FOCAD: variants seen among roughly 807,000 people sequenced by gnomAD.
FOCAD encodes focadhesin.
In FOCAD, 198 loss-of-function variants were observed where a neutral mutation model predicts 225.6. The ratio of observed to expected loss-of-function variants is 0.88; its 90% confidence interval spans 0.78 to 0.99. FOCAD has a LOEUF of 0.99. FOCAD is among the 50% of genes least tolerant of loss of function. FOCAD has a pLI of 0.00. For synonymous variants in FOCAD, 897 were observed against 755.0 expected (o/e 1.19, Z -3.08); for missense variants, 2,713 against 2,123.6 (o/e 1.28, Z -5.46).
At chr9:20,758,344 G>T (rs1829252308) in intron 6 of FOCAD, among the ~76,000 whole-genome samples, 153 bp downstream of exon 6, 1 of 151,828 alleles carries the variant, frequency 6.6e-6, no homozygotes, top group South Asian at 2.1e-4. Context: ...GCAGGTTGTA[G>T]TTTTCTTTTC....
At chr9:20,699,362 C>T (rs933518416) in intron 1 of FOCAD, among the ~76,000 whole-genome samples, 13 of 151,954 alleles carry the variant, frequency 8.6e-5, no homozygotes, top group African/African-American at 3.1e-4. Flanking sequence ...TGGTCATTTA[C>T]TTAAAACAGA....
intron 16 of FOCAD, among the ~76,000 whole-genome samples, chr9:20,864,050 C>T (rs1301261948): frequency 6.6e-6 from 1 of 151,996 alleles, no homozygotes; most frequent in Non-Finnish European, 1.5e-5. Context: ...CTATCTCTTC[C>T]TGCCCAGTTA....
At chr9:20,716,287 CATAG>C (rs1444855768) in intron 2 of FOCAD, 1 of 274,502 alleles carries the variant, frequency 3.6e-6, no homozygotes, top group Non-Finnish European at 8.7e-6. Flanking sequence ...TCTTTGTTAA[CATAG>C]ATAATCAAGA....
intron 11 of FOCAD, among the ~76,000 whole-genome samples, chr9:20,797,410 T>C (rs1821241073): frequency 6.6e-6 from 1 of 152,212 alleles, no homozygotes; most frequent in Admixed American, 6.5e-5. Context: ...CCTTGGGCAG[T>C]ATGGCCATTT....
intron 35 of FOCAD, among the ~76,000 whole-genome samples, chr9:20,959,424 A>G (rs1417790981): frequency 6.6e-6 from 1 of 152,152 alleles, no homozygotes; most frequent in Admixed American, 6.5e-5. Flanking sequence ...TTCCTTGCAT[A>G]TTCTGGATAT....
intron 11 of FOCAD, among the ~76,000 whole-genome samples, chr9:20,801,774 C>G (rs990556105): frequency 6.6e-6 from 1 of 152,062 alleles, no homozygotes; most frequent in South Asian, 2.1e-4. Context: ...CAAAGAAAGG[C>G]AGTCACACAC....
rs750395723 is a variant in FOCAD at position 20,817,910 on chromosome 9, A to C, written c.1456-1886A>C. 2.8e-4 allele frequency among the ~76,000 whole-genome samples: 42 copies of C among 152,182 alleles called. 1 individual carries two copies. Among genetic ancestry groups the C allele is most frequent in the South Asian group, 6.2e-4 (3 of 4,828 alleles). On this transcript the variant is annotated intron_variant, in intron 11 of 43. Transcript: ENST00000338382. ...TTCTTAAGTAGATAACTAGGAATAGAATTGCTACATCACATGGTAATTCTA... is the reference window on the plus strand; with the variant it reads ...TTCTTAAGTAGATAACTAGGAATAGCATTGCTACATCACATGGTAATTCTA...
intron 27 of FOCAD, among the ~76,000 whole-genome samples, chr9:20,931,836 T>A (rs1835499712): frequency 2.0e-5 from 3 of 150,978 alleles, no homozygotes; most frequent in Admixed American, 2.0e-4. Flanking sequence ...AGGCTGAGGT[T>A]GCAGTGAGCT....
intron 19 of FOCAD, among the ~76,000 whole-genome samples, chr9:20,878,550 C>T (rs1054614001): frequency 2.2e-4 from 33 of 152,174 alleles, no homozygotes; most frequent in Admixed American, 1.4e-3. Flanking sequence ...AGAACAATTT[C>T]GCATATCTCT....
chr9:20,719,307 T>G (rs1211332098), intron 3 of FOCAD, among the ~76,000 whole-genome samples: 1 of 152,222 alleles, frequency 6.6e-6, no homozygotes, highest in Non-Finnish European at 1.5e-5. Flanking sequence ...GGTCTCGAAC[T>G]TCTGACCTCA....
At chr9:20,740,380 T>G (rs1246472468) in intron 5 of FOCAD, 40 bp downstream of exon 5, 1 of 1,136,596 alleles carries the variant, frequency 8.8e-7, no homozygotes, top group East Asian at 2.4e-5. Flanking sequence ...CAAATATGAA[T>G]TTTTAATGAA....
At chr9:20,910,372 A>T (rs1251276489) in intron 22 of FOCAD, among the ~76,000 whole-genome samples, 2 of 152,066 alleles carry the variant, frequency 1.3e-5, no homozygotes, top group Non-Finnish European at 2.9e-5. Context: ...GACTGTAGAC[A>T]TTTTTCATGA....
At chr9:20,927,034 AT>A (rs1835022284) in intron 26 of FOCAD, among the ~76,000 whole-genome samples, 1 of 151,316 alleles carries the variant, frequency 6.6e-6, no homozygotes, top group Non-Finnish European at 1.5e-5. Context: ...ATATATATAT[AT>A]ATAAAAGAAA....
chr9:20,842,623 G>A (rs1008200017), intron 15 of FOCAD, among the ~76,000 whole-genome samples: 1 of 151,818 alleles, frequency 6.6e-6, no homozygotes, highest in Non-Finnish European at 1.5e-5. Context: ...TATAGGTTAA[G>A]TATGTTTCTT....
chr9:20,804,091 C>A (rs74641074), intron 11 of FOCAD, among the ~76,000 whole-genome samples: 1 of 152,026 alleles, frequency 6.6e-6, no homozygotes, highest in Admixed American at 6.5e-5. Flanking sequence ...AAGGTGGGTT[C>A]GATTCACACC....
At chr9:20,677,873 A>G (rs185814894) in intron 2 of FOCAD, among the ~76,000 whole-genome samples, 1 of 152,380 alleles carries the variant, frequency 6.6e-6, no homozygotes, top group East Asian at 1.9e-4. Flanking sequence ...CCAAAGAGAT[A>G]TCTGCACTTT....
At chr9:20,827,338 A>G (rs980708643) in intron 15 of FOCAD, among the ~76,000 whole-genome samples, 1 of 152,102 alleles carries the variant, frequency 6.6e-6, no homozygotes, top group Non-Finnish European at 1.5e-5. Context: ...TTCACTCAAC[A>G]TATTTTCAAG....
At chr9:20,694,313 C>G (rs927604166) in intron 1 of FOCAD, among the ~76,000 whole-genome samples, 5 of 151,998 alleles carry the variant, frequency 3.3e-5, no homozygotes, top group African/African-American at 1.2e-4. Context: ...TTTTATTATT[C>G]AAAATAAAGG....
chr9:20,698,150 A>G (rs934292433), intron 1 of FOCAD, among the ~76,000 whole-genome samples: 1 of 152,196 alleles, frequency 6.6e-6, no homozygotes, highest in Non-Finnish European at 1.5e-5. Flanking sequence ...TTTTTATTTG[A>G]GGAGAATTAA....
Sources: allele counts gnomAD v4.1 joint callset (sites outside exome capture counted in the v4.1 genomes callset), GRCh38; gene constraint gnomAD v4.1.1; transcripts MANE v1.5; gene names NCBI Gene and HGNC (gene_info 2026-07-23, HGNC 2026-07-21).